SMC6: variants seen among roughly 807,000 people sequenced by gnomAD.
SMC6 encodes the protein structural maintenance of chromosomes 6, also known as structural maintenance of chromosomes protein 6.
SMC6 carries 79 observed loss-of-function variants against 142.2 expected under a neutral mutation model. The ratio of observed to expected loss-of-function variants is 0.56; its 90% CI spans 0.46 to 0.67. The LOEUF (loss-of-function observed/expected upper bound fraction) is 0.67, where lower values mean the gene tolerates loss of function less well. Among genes scored for constraint, SMC6 ranks in the 30% least tolerant of loss-of-function variants. The probability of loss-of-function intolerance (pLI) is 0.00; values close to 1 mark genes in which losing one functional copy is unlikely to be tolerated. For missense variants in SMC6, 1,072 were observed against 1,284.0 expected (o/e 0.83, Z 2.52); for synonymous variants, 411 against 412.4 (o/e 1.00, Z 0.04).
intron 4 of SMC6, among the ~76,000 whole-genome samples, chr2:17,739,878 A>AC: frequency 7.0e-5 from 6 of 85,344 alleles, no homozygotes; most frequent in Admixed American, 1.2e-4. Context: ...AGAATATGGT[A>AC]AACACACACA....
intron 24 of SMC6, chr2:17,681,483 T>C (rs1558330083): frequency 6.6e-6 from 1 of 152,226 alleles, no homozygotes; most frequent in Non-Finnish European, 1.5e-5. Context: ...TAATCATTTC[T>C]AGCTTTTGAT....
At chr2:17,739,789 G>C (rs1244290517) in intron 4 of SMC6, among the ~76,000 whole-genome samples, 1 of 149,774 alleles carries the variant, frequency 6.7e-6, no homozygotes, top group Non-Finnish European at 1.5e-5. Flanking sequence ...GTCCAGCCTG[G>C]GTGACCCGGA....
At chr2:17,678,156 C>T (rs963151605) in intron 25 of SMC6, among the ~76,000 whole-genome samples, 15 of 152,024 alleles carry the variant, frequency 9.9e-5, no homozygotes, top group African/African-American at 3.6e-4. Flanking sequence ...AGTATAAACA[C>T]AATTAAGTGG....
intron 7 of SMC6, 102 bp downstream of exon 7, chr2:17,730,976 T>G: frequency 1.2e-6 from 1 of 827,272 alleles, no homozygotes; most frequent in South Asian, 1.4e-5. Context: ...TGTGGTCAGT[T>G]TACTCATATG....
chr2:17,687,785 T>C (rs548313518), intron 23 of SMC6, among the ~76,000 whole-genome samples: 55 of 151,976 alleles, frequency 3.6e-4, no homozygotes, highest in African/African-American at 8.9e-4. Flanking sequence ...CAGAGAAAAA[T>C]TGAATGTAAA....
At chr2:17,704,694 G>C (rs191024022) in intron 18 of SMC6, among the ~76,000 whole-genome samples, 100 of 151,922 alleles carry the variant, frequency 6.6e-4, no homozygotes, top group Admixed American at 5.0e-3. Flanking sequence ...CCTTTTTACT[G>C]GTACATAAAA....
chr2:17,745,888 T>C lies in SMC6; in HGVS notation c.59A>G (p.Gln20Arg). The C allele has an allele frequency of 6.2e-7, 1 of 1,613,114 alleles. No homozygotes were observed. The highest frequency in any genetic ancestry group is 8.5e-7 in the Non-Finnish European group (1 of 1,179,602). The change falls in exon 3 of 28, where the codon CAA becomes CGA. Residue 20 changes from glutamine to arginine, a missense_variant. By Grantham distance (43) the Gln-to-Arg change is conservative. Around this residue, in one of 3 missense-constraint regions of SMC6, gnomAD observed 994 missense variants for 1,153.2 expected, o/e 0.86. Coordinates refer to ENST00000448223, the MANE Select transcript of SMC6 (RefSeq NM_001142286.2). Reference sequence around the variant, plus strand: ...TTTATCAAAATCCTCCAATTCTTCTTGTCTTGGCCTTTTGGCATTTTTAGG... The same window carrying C: ...TTTATCAAAATCCTCCAATTCTTCTCGTCTTGGCCTTTTGGCATTTTTAGG... ...SSPKNAKRPR[Q>R]EELEDFDKDG...
intron 21 of SMC6, among the ~76,000 whole-genome samples, chr2:17,698,908 A>G (rs772467270): frequency 4.1e-4 from 62 of 152,086 alleles, no homozygotes; most frequent in Non-Finnish European, 4.9e-4. Flanking sequence ...GTCTCCTGGC[A>G]TAATTATTTT....
intron 5 of SMC6, among the ~76,000 whole-genome samples, chr2:17,737,889 G>A (rs1022775017): frequency 6.6e-6 from 1 of 152,182 alleles, no homozygotes; most frequent in Non-Finnish European, 1.5e-5. Flanking sequence ...TGCTGGGTTT[G>A]GGTCAATAGT....
intron 3 of SMC6, among the ~76,000 whole-genome samples, chr2:17,745,321 G>T (rs1438645282): frequency 6.6e-6 from 1 of 152,072 alleles, no homozygotes. Flanking sequence ...AACCAACTGG[G>T]CCTGTAGATT....
chr2:17,691,926 G>C (rs1667752108), intron 23 of SMC6, among the ~76,000 whole-genome samples: 1 of 152,000 alleles, frequency 6.6e-6, no homozygotes, highest in Non-Finnish European at 1.5e-5. Flanking sequence ...GTAACAGAGA[G>C]ACAAATCATG....
intron 23 of SMC6, among the ~76,000 whole-genome samples, chr2:17,692,715 T>G (rs1392692454): frequency 6.6e-6 from 1 of 152,124 alleles, no homozygotes; most frequent in Non-Finnish European, 1.5e-5. Flanking sequence ...GGGATCTAAT[T>G]AAACTAAAGA....
chr2:17,667,763 T>C (rs1406738066), intron 26 of SMC6, among the ~76,000 whole-genome samples: 2 of 152,062 alleles, frequency 1.3e-5, no homozygotes, highest in Non-Finnish European at 2.9e-5. Flanking sequence ...GTCACAAGGA[T>C]CAATTGAATC....
At chr2:17,669,902 G>C (rs920824634) in intron 26 of SMC6, among the ~76,000 whole-genome samples, 1 of 152,146 alleles carries the variant, frequency 6.6e-6, no homozygotes, top group South Asian at 2.1e-4. Context: ...AAGAAATTGA[G>C]ACCCAATAAG....
chr2:17,752,418 T>C (rs1028665177), intron 2 of SMC6, among the ~76,000 whole-genome samples: 1 of 152,238 alleles, frequency 6.6e-6, no homozygotes, highest in African/African-American at 2.4e-5. Flanking sequence ...AGTCCCTTGA[T>C]TGAGTCCACG....
chr2:17,685,173 A>T (rs1667396403), intron 23 of SMC6, among the ~76,000 whole-genome samples: 1 of 152,092 alleles, frequency 6.6e-6, no homozygotes, highest in Admixed American at 6.5e-5. Context: ...ACTAGAGAAG[A>T]TATAGATATT....
Position 17,742,068 on chromosome 2 carries a change from G to A in SMC6, c.121-339C>T, listed in dbSNP as rs893636697. On this transcript the variant is annotated intron_variant, in intron 3 of 27. Coordinates refer to ENST00000448223, the MANE Select transcript of SMC6 (RefSeq NM_001142286.2). ...CCCAGCCTCTACCCACTAGATGCCG[G>A]CAACACACACCTGCCCCTAAGTTGT... is the stretch of plus-strand genomic sequence containing the variant. Among the ~76,000 whole-genome samples, 27 of 152,076 alleles carry A rather than the reference G, an allele frequency of 1.8e-4. 3 individuals are homozygous for A. The highest frequency in any genetic ancestry group is 1.8e-3 in the Admixed American group (27 of 15,252).
chr2:17,718,792 G>A (rs779859635), intron 11 of SMC6, among the ~76,000 whole-genome samples: 8 of 152,238 alleles, frequency 5.3e-5, no homozygotes, highest in African/African-American at 1.7e-4. Flanking sequence ...GGCAGGAGAC[G>A]AGATGAAGGG....
chr2:17,705,485 T>C (rs1224613012), intron 18 of SMC6, among the ~76,000 whole-genome samples: 2 of 151,646 alleles, frequency 1.3e-5, no homozygotes, highest in South Asian at 2.1e-4. Flanking sequence ...CAGGAATCAC[T>C]TGAACACCGG....
Sources: gnomAD v4.1 joint callset for allele counts (sites outside exome capture counted in the v4.1 genomes callset) on GRCh38, gnomAD v4.1.1 for gene constraint, gnomAD v4.1.1 regional missense constraint, MANE v1.5 for transcripts, NCBI Gene and HGNC (gene_info 2026-07-23, HGNC 2026-07-21) for gene names.